Variants in TEN1 observed in about 807,000 individuals in gnomAD.
TEN1 encodes CST complex subunit TEN1.
TEN1 carries 6 observed loss-of-function variants against 9.3 expected under a neutral mutation model. The ratio of observed to expected loss-of-function variants is 0.65; its 90% CI spans 0.35 to 1.27. The LOEUF (loss-of-function observed/expected upper bound fraction) is 1.27. Among genes scored for constraint, TEN1 ranks in the 50% most tolerant of loss-of-function variants. The pLI is 0.03. For missense variants in TEN1, 149 were observed against 158.2 expected (o/e 0.94, Z 0.31); for synonymous variants, 65 against 65.6 (o/e 0.99, Z 0.04).
chr17:75,983,661 G>A (rs1329453832), intron 1 of TEN1, among the ~76,000 whole-genome samples: 3 of 152,204 alleles, frequency 2.0e-5, no homozygotes, highest in Admixed American at 6.6e-5. Flanking sequence ...GGTATTATTA[G>A]TCAATCTTCT....
At chr17:75,991,301 G>A (rs1378914676) in intron 2 of TEN1, among the ~76,000 whole-genome samples, 165 bp from the exon 3 acceptor site, 2 of 152,146 alleles carry the variant, frequency 1.3e-5, no homozygotes, top group African/African-American at 4.8e-5. Context: ...ATATTCTACA[G>A]TGTAGACTGA....
In TEN1 at chr17:75,986,185, A is replaced by C; in HGVS notation, c.-6-2A>C. 3.9e-6 allele frequency: 6 copies of C among 1,544,566 alleles called. No individual in the cohort carries two copies. The highest frequency in any genetic ancestry group is 5.2e-6 in the Non-Finnish European group (6 of 1,143,758). On this transcript the variant is annotated splice_acceptor_variant, in intron 1 of 3. Transcript: ENST00000397640. LOFTEE classifies it low-confidence loss of function (5UTR_SPLICE). Reference sequence around the variant, plus strand: ...AAATCCCTCTCAACTATTTGGTTACAGGAGCCCATGATGCTGCCCAAACCT... The same window carrying C: ...AAATCCCTCTCAACTATTTGGTTACCGGAGCCCATGATGCTGCCCAAACCT...
rs1279851317 is a variant in TEN1, at chr17:75,986,656, G to A, written c.92+372G>A. Among the ~76,000 whole-genome samples the A allele has an allele frequency of 5.3e-5, 8 of 151,784 alleles. No homozygotes were observed. In the South Asian group the frequency reaches 8.3e-4, roughly 16 times the overall value. On this transcript the variant is annotated intron_variant, in intron 2 of 3. Coordinates refer to ENST00000397640, the MANE Select transcript of TEN1 (RefSeq NM_001113324.3). Reference sequence around the variant, plus strand: ...GTGGAGGTTGTAGCGAGCCGAAATCGCGCCATTGCACTCCAGCCTGGGCGA... The same window carrying A: ...GTGGAGGTTGTAGCGAGCCGAAATCACGCCATTGCACTCCAGCCTGGGCGA...
At chr17:75,986,309 G>A (rs1490996272) in intron 2 of TEN1, 25 bp downstream of exon 2, 25 of 1,527,438 alleles carry the variant, frequency 1.6e-5, no homozygotes, top group African/African-American at 2.8e-5. Context: ...TTTTTTCACT[G>A]GTGGGGGTGA....
At chr17:75,998,149 G>A (rs1455361317) in intron 3 of TEN1, among the ~76,000 whole-genome samples, 2 of 149,792 alleles carry the variant, frequency 1.3e-5, no homozygotes, top group African/African-American at 4.9e-5. Flanking sequence ...ACTGCGCCTG[G>A]CCTTTTTCCT....
chr17:75,991,432 G>A, intron 2 of TEN1, 34 bp from the exon 3 acceptor site: 1 of 1,549,762 alleles, frequency 6.5e-7, no homozygotes, highest in African/African-American at 1.4e-5. Context: ...TTCTACGTAT[G>A]GATGGAAATT....
chr17:75,983,880 A>C (rs917075829), intron 1 of TEN1, among the ~76,000 whole-genome samples: 5 of 152,014 alleles, frequency 3.3e-5, no homozygotes, highest in Non-Finnish European at 7.3e-5. Context: ...ACATGCAAAA[A>C]ACCTGAAAAG....
At position 76,000,009 on chromosome 17, in the gene TEN1, G is replaced by C. The variant is rs974129593; in HGVS notation, c.251-132G>C. The C allele has an allele frequency of 7.2e-7, 1 of 1,382,136 alleles. No individual in the cohort carries two copies. The highest frequency in any genetic ancestry group is 1.5e-5 in the African/African-American group (1 of 68,834). 85.6% of individuals were successfully genotyped at this position (1,382,136 alleles called of 1,614,324 possible). A position where few individuals can be genotyped will look rare whatever the true frequency, so the allele number is the denominator to read the frequency against. On this transcript the variant is annotated intron_variant, in intron 3 of 3. Transcript: ENST00000397640. This position sits in a 1 kb window ranked among gnomAD's most constrained non-coding sequence, Gnocchi z 5.9. ...ATACTCAGTTGCCTTTGCCCCATAT[G>C]CTGTTATTGTCCACATCACTTGCTG... is the stretch of plus-strand genomic sequence containing the variant.
At chr17:75,998,439 C>T (rs1030169837) in intron 3 of TEN1, among the ~76,000 whole-genome samples, 3 of 152,072 alleles carry the variant, frequency 2.0e-5, no homozygotes, top group East Asian at 1.9e-4. Context: ...GGAGCCACCG[C>T]GCCACGCCCC....
At chr17:75,981,310 C>T (rs2066117779) in intron 1 of TEN1, among the ~76,000 whole-genome samples, 1 of 152,028 alleles carries the variant, frequency 6.6e-6, no homozygotes, top group Non-Finnish European at 1.5e-5. Flanking sequence ...CCTCAGCCTC[C>T]AGAGTAGCTG....
intron 3 of TEN1, among the ~76,000 whole-genome samples, chr17:75,992,654 G>A (rs2066193293): frequency 6.7e-6 from 1 of 149,758 alleles, no homozygotes; most frequent in Non-Finnish European, 1.5e-5. Flanking sequence ...CTGGGACTAT[G>A]GGCGCCCGCC....
At chr17:75,987,139 A>C (rs2144348309) in intron 2 of TEN1, among the ~76,000 whole-genome samples, 1 of 152,174 alleles carries the variant, frequency 6.6e-6, no homozygotes, top group East Asian at 1.9e-4. Context: ...CAAATTTAAA[A>C]TAATTATTGT....
intron 3 of TEN1, among the ~76,000 whole-genome samples, chr17:75,992,776 T>C: frequency 6.7e-6 from 1 of 148,968 alleles, no homozygotes; most frequent in Non-Finnish European, 1.5e-5. Context: ...CCTCCCAAAG[T>C]GCTGGGATTA....
intron 3 of TEN1, among the ~76,000 whole-genome samples, chr17:75,999,015 T>C (rs1384908081): frequency 6.6e-6 from 1 of 152,102 alleles, no homozygotes; most frequent in Non-Finnish European, 1.5e-5. Flanking sequence ...ACTTTTTTTT[T>C]TCTCTTGCAA....
intron 3 of TEN1, among the ~76,000 whole-genome samples, chr17:75,998,912 A>T (rs1443564168): frequency 6.6e-6 from 1 of 152,112 alleles, no homozygotes; most frequent in African/African-American, 2.4e-5. Context: ...GCTGGTCATG[A>T]ACTCCTGACC....
chr17:75,985,234 A>G (rs559269176), intron 1 of TEN1, among the ~76,000 whole-genome samples: 7 of 152,112 alleles, frequency 4.6e-5, no homozygotes, highest in African/African-American at 1.4e-4. Context: ...TGCAGCTTCA[A>G]CCTCCTGTGG....
chr17:75,998,402 T>C (rs1314791642), intron 3 of TEN1, among the ~76,000 whole-genome samples: 1 of 151,938 alleles, frequency 6.6e-6, no homozygotes, highest in African/African-American at 2.4e-5. Context: ...TGTCTTGCCC[T>C]CCCAAAGTGT....
intron 1 of TEN1, among the ~76,000 whole-genome samples, chr17:75,983,779 G>T (rs1397545941): frequency 1.3e-5 from 2 of 152,142 alleles, no homozygotes; most frequent in African/African-American, 4.8e-5. Flanking sequence ...AACCTTAGGG[G>T]TGTGGCAAAT....
At chr17:75,993,218 C>T (rs1003292937) in intron 3 of TEN1, among the ~76,000 whole-genome samples, 3 of 151,806 alleles carry the variant, frequency 2.0e-5, no homozygotes, top group African/African-American at 7.3e-5. Context: ...ATTCTCCTGC[C>T]TCAGCCTTCC....
Sources: allele counts gnomAD v4.1 joint callset (sites outside exome capture counted in the v4.1 genomes callset), GRCh38; gene constraint gnomAD v4.1.1; non-coding constraint Gnocchi (gnomAD v3.1); transcripts MANE v1.5; gene names NCBI Gene and HGNC (gene_info 2026-07-23, HGNC 2026-07-21).